Variants in GPC3 observed in about 807,000 individuals in gnomAD.
The protein encoded by GPC3 is glypican 3, also known as glypican-3.
In GPC3, 3 loss-of-function variants were observed where a neutral mutation model predicts 34.4. That is an observed-to-expected ratio of 0.09 (90% confidence interval 0.04 to 0.23). The LOEUF is 0.23. Among genes scored for constraint, GPC3 ranks in the 10% least tolerant of loss-of-function variants. GPC3 has a pLI of 1.00. For synonymous variants in GPC3, 177 were observed against 174.0 expected, an observed-to-expected ratio of 1.02 and a Z score of -0.13; for missense variants, 351 against 445.6, an observed-to-expected ratio of 0.79 and a Z score of 1.91.
At chrX:133,591,156 T>A (rs754658403) in intron 7 of GPC3, among the ~76,000 whole-genome samples, 2 of 111,745 alleles carry the variant, frequency 1.8e-5, no homozygotes, top group East Asian at 5.7e-4. Context: ...AAAAGGGAGA[T>A]ACAAGAGAGT....
intron 7 of GPC3, among the ~76,000 whole-genome samples, chrX:133,537,541 T>C (rs1002981200): frequency 9.0e-6 from 1 of 111,553 alleles, no homozygotes; most frequent in African/African-American, 3.3e-5. Context: ...AGGCTAGCAC[T>C]GGTTAGGGCA....
At chrX:133,907,859 C>G (rs1278023078) in intron 2 of GPC3, among the ~76,000 whole-genome samples, 1 of 111,181 alleles carries the variant, frequency 9.0e-6, no homozygotes, top group Non-Finnish European at 1.9e-5. Context: ...TGCCAAATTG[C>G]TGTTCCAAAA....
chrX:133,862,419 G>A (rs922967872), intron 2 of GPC3, among the ~76,000 whole-genome samples: 11 of 107,638 alleles, frequency 1.0e-4, no homozygotes, highest in African/African-American at 2.0e-4. Flanking sequence ...GGTGGCTCAC[G>A]CCTGTAATCC....
intron 6 of GPC3, among the ~76,000 whole-genome samples, chrX:133,633,476 T>C (rs2070386385): frequency 8.9e-6 from 1 of 112,051 alleles, no homozygotes; most frequent in Non-Finnish European, 1.9e-5. Context: ...ATCCTGAAGG[T>C]GCTGGTCTGG....
intron 6 of GPC3, among the ~76,000 whole-genome samples, chrX:133,614,848 C>A (rs1453457402): frequency 9.0e-6 from 1 of 111,163 alleles, no homozygotes; most frequent in South Asian, 3.8e-4. Flanking sequence ...TTACTACAAT[C>A]AAGAATGAAA....
At position 133,536,241 on chromosome X, in the gene GPC3, T is replaced by C. The variant is rs61754631; in HGVS notation, c.1626A>G (p.Ala542=). The C allele has an allele frequency of 0.01, 12,383 of 1,201,163 alleles. 837 individuals are homozygous for C. The African/African-American group carries it at 0.19, about 18-fold the overall frequency. Residue 542 remains alanine (A), a synonymous_variant, in exon 8 of 8, where the codon GCA becomes GCG. Transcript: ENST00000370818. ...VDDAPGNSQQ[A]TPKDNEISTF... ...TGCTTATCTCGTTGTCCTTCGGAGT[T>C]GCCTGCTGACTGTTTCCAGGCGCAT...
chrX:133,973,617 CAG>C (rs780418957), intron 1 of GPC3, among the ~76,000 whole-genome samples: 2 of 111,964 alleles, frequency 1.8e-5, no homozygotes, highest in Non-Finnish European at 3.8e-5. Context: ...GCCAGAGAAA[CAG>C]AAAATTATAC....
In GPC3 at chrX:133,565,865, C is replaced by T. The variant is rs754384413; in HGVS notation, c.1574-29572G>A. 3.6e-5 allele frequency among the ~76,000 whole-genome samples: 4 copies of T among 112,285 alleles called. No homozygotes were observed. The South Asian group carries it at 1.5e-3, about 42-fold the overall frequency. The stretch of plus-strand genomic sequence containing the variant: ...AGGGAGAGTTTGAGGAAGAGACAGA[C>T]CTCAATTCAAATCCAAGCTCTACCA... On this transcript the variant is annotated intron_variant, in intron 7 of 7. Coordinates refer to ENST00000370818, the MANE Select transcript of GPC3 (RefSeq NM_004484.4).
intron 2 of GPC3, among the ~76,000 whole-genome samples, chrX:133,797,674 C>CA (rs2084811646): frequency 9.1e-6 from 1 of 110,150 alleles, no homozygotes; most frequent in African/African-American, 3.3e-5. Context: ...ACTAAAAATA[C>CA]AAAAAATTAG....
At position 133,762,724 on chromosome X, in the gene GPC3, C is replaced by T. The variant is rs767315701; in HGVS notation, c.338-8548G>A. 45 of 370,351 alleles carry T rather than the reference C, an allele frequency of 1.2e-4. No individual in the cohort carries two copies. The East Asian group carries it at 1.3e-3, about 11-fold the overall frequency. The allele number at this position is 370,351 out of a possible 1,213,427, so 30.5% of individuals were successfully genotyped here. On this transcript the variant is annotated intron_variant, in intron 2 of 7. Coordinates refer to ENST00000370818, the MANE Select transcript of GPC3 (RefSeq NM_004484.4). ...AAAAGTCAAAAAACAACAGCCTTTC[C>T]GCCCTGCCCACAGAGGGGTCCATAC...
intron 2 of GPC3, among the ~76,000 whole-genome samples, chrX:133,768,107 C>A (rs1457645257): frequency 1.8e-5 from 2 of 110,229 alleles, no homozygotes; most frequent in Non-Finnish European, 3.8e-5. Flanking sequence ...ACAAGGCCAT[C>A]GAGGCACTAA....
chrX:133,936,941 A>C (rs888860513), intron 2 of GPC3, among the ~76,000 whole-genome samples: 1 of 111,487 alleles, frequency 9.0e-6, no homozygotes, highest in Non-Finnish European at 1.9e-5. Context: ...GGCGCCAAAG[A>C]AACTGTTTAA....
At position 133,692,376 on chromosome X, in the gene GPC3, C is replaced by G. The variant is rs11539789; in HGVS notation, c.1285G>C (p.Val429Leu). Residue 429 changes from valine (V) to leucine (L), a missense_variant, in exon 5 of 8, where the codon GTG becomes CTG. Val to Leu is a conservative substitution (Grantham distance 32). Transcript: ENST00000370818. ...ACTTTCAAAAAAGATCACCTCTCCA[C>G]GAGTTCTTGTCCATTCCAGCAAAGG... ...DTLCWNGQEL[V>L]ERYSQKAARN... 1.7e-6 allele frequency: 2 copies of G among 1,211,318 alleles called. No homozygotes were observed.
chrX:133,883,203 G>C (rs1194888527), intron 2 of GPC3, among the ~76,000 whole-genome samples: 1 of 111,269 alleles, frequency 9.0e-6, no homozygotes, highest in Non-Finnish European at 1.9e-5. Flanking sequence ...TTTATTCTGG[G>C]CCTTTCAATA....
chrX:133,656,827 G>A, intron 6 of GPC3, among the ~76,000 whole-genome samples: 1 of 111,716 alleles, frequency 9.0e-6, no homozygotes, highest in East Asian at 2.8e-4. Context: ...GAAAAGATGA[G>A]AGGTTACAAA....
At chrX:133,593,354 T>TAAAAAAAAAAAAAAAAAAAAATAAAAAA in intron 7 of GPC3, among the ~76,000 whole-genome samples, 1 of 47,717 alleles carries the variant, frequency 2.1e-5, no homozygotes, top group Non-Finnish European at 3.9e-5. Flanking sequence ...AAAAAAAAAG[T>TAAAAAAAAAAAAAAAAAAAAATAAAAAA]AAAAAAAAAA....
chrX:133,602,209 TA>T (rs1189299178), intron 6 of GPC3, among the ~76,000 whole-genome samples: 1 of 110,988 alleles, frequency 9.0e-6, no homozygotes, highest in South Asian at 3.8e-4. Context: ...ATGTAGGAGC[TA>T]AAAAAAAGTT....
chrX:133,543,516 G>C (rs1340060345), intron 7 of GPC3, among the ~76,000 whole-genome samples: 1 of 112,646 alleles, frequency 8.9e-6, no homozygotes, highest in African/African-American at 3.2e-5. Flanking sequence ...CTAGAAGAGG[G>C]TTTGGGCAAT....
intron 2 of GPC3, among the ~76,000 whole-genome samples, chrX:133,791,836 CCTTCCTTCCTT>C (rs1239296060): frequency 6.3e-5 from 6 of 95,440 alleles, no homozygotes; most frequent in South Asian, 5.1e-4. Flanking sequence ...TTCCTTCCTT[CCTTCCTTCCTT>C]CCTCCCTCCC....
Sources: allele counts gnomAD v4.1 joint callset (sites outside exome capture counted in the v4.1 genomes callset), GRCh38; gene constraint gnomAD v4.1.1; transcripts MANE v1.5; gene names NCBI Gene and HGNC (gene_info 2026-07-23, HGNC 2026-07-21).